Variants in SBF2 observed in about 807,000 individuals in gnomAD.
SBF2 encodes SET binding factor 2.
SBF2 carries 112 observed loss-of-function variants against 225.2 expected under a neutral mutation model. That is an observed-to-expected ratio of 0.50 (90% CI 0.43 to 0.58). The LOEUF (loss-of-function observed/expected upper bound fraction) is 0.58, where lower values mean the gene tolerates loss of function less well. Ranked by LOEUF, SBF2 falls within the 20% of genes least tolerant of loss-of-function variation. SBF2 has a pLI of 0.00. For missense variants in SBF2, 1,996 were observed against 2,206.2 expected (o/e 0.90, Z 1.91); for synonymous variants, 763 against 773.3 (o/e 0.99, Z 0.22).
chr11:10,091,890 T>C (rs1951799667), intron 2 of SBF2, among the ~76,000 whole-genome samples: 1 of 152,190 alleles, frequency 6.6e-6, no homozygotes, highest in Non-Finnish European at 1.5e-5. Flanking sequence ...CTAGGAGTTT[T>C]TGAGTTTTGC....
chr11:10,034,907 T>C (rs756793119), intron 3 of SBF2, among the ~76,000 whole-genome samples: 1 of 152,186 alleles, frequency 6.6e-6, no homozygotes, highest in Non-Finnish European at 1.5e-5. Context: ...CAAGTTGACA[T>C]GTCTACATGA....
At chr11:10,192,978 C>G (rs962940220) in intron 2 of SBF2, among the ~76,000 whole-genome samples, 1 of 152,164 alleles carries the variant, frequency 6.6e-6, no homozygotes, top group Non-Finnish European at 1.5e-5. Flanking sequence ...GGATCCACCA[C>G]CAGATAGAAT....
intron 1 of SBF2, among the ~76,000 whole-genome samples, chr11:10,273,839 A>AGGTCTACCTG (rs1473009073): frequency 1.3e-5 from 2 of 152,246 alleles, no homozygotes; most frequent in Non-Finnish European, 2.9e-5. Flanking sequence ...ACCTGACAGG[A>AGGTCTACCTG]ATAGGTTGTC....
chr11:10,261,758 T>C (rs960741226), intron 1 of SBF2, among the ~76,000 whole-genome samples: 3 of 152,236 alleles, frequency 2.0e-5, no homozygotes, highest in Non-Finnish European at 4.4e-5. Flanking sequence ...TGCAAACTTG[T>C]TGATTCACAT....
At chr11:10,241,958 C>T (rs1260322214) in intron 1 of SBF2, among the ~76,000 whole-genome samples, 1 of 151,792 alleles carries the variant, frequency 6.6e-6, no homozygotes, top group Non-Finnish European at 1.5e-5. Flanking sequence ...TGTCCACCTA[C>T]AGACCACACC....
chr11:10,078,668 T>C (rs1284586248), intron 2 of SBF2, among the ~76,000 whole-genome samples: 1 of 152,020 alleles, frequency 6.6e-6, no homozygotes, highest in Non-Finnish European at 1.5e-5. Flanking sequence ...TTAGGAGAAA[T>C]ACCTAATGTA....
chr11:9,976,196 C>G (rs1242935579), intron 13 of SBF2, among the ~76,000 whole-genome samples: 1 of 151,446 alleles, frequency 6.6e-6, no homozygotes, highest in African/African-American at 2.4e-5. Flanking sequence ...GCCTCAGCCT[C>G]CCGAGTAGCT....
chr11:10,019,645 A>C (rs138483604), intron 6 of SBF2, among the ~76,000 whole-genome samples: 292 of 152,196 alleles, frequency 1.9e-3, no homozygotes, highest in African/African-American at 6.9e-3. Context: ...AGCTTCCTTC[A>C]AGGTCAAACA....
chr11:9,927,703 G>A (rs1213272798), intron 16 of SBF2, among the ~76,000 whole-genome samples: 5 of 151,826 alleles, frequency 3.3e-5, no homozygotes, highest in South Asian at 4.2e-4. Context: ...TAAAAGATAC[G>A]GAAAAAAAAT....
At chr11:10,225,721 C>T (rs116461397) in intron 1 of SBF2, among the ~76,000 whole-genome samples, 3,286 of 152,170 alleles carry the variant, frequency 0.022, 89 homozygotes, top group African/African-American at 0.065. Flanking sequence ...GTGCAGTTTA[C>T]TTCTAACTAT....
At chr11:10,299,677 G>C (rs923356291) in intron 1 of SBF2, among the ~76,000 whole-genome samples, 1 of 151,872 alleles carries the variant, frequency 6.6e-6, no homozygotes, top group Non-Finnish European at 1.5e-5. Flanking sequence ...TGTCAGTGAA[G>C]CTGGTGAACT....
chr11:9,956,563 A>G (rs954926798), intron 16 of SBF2: 4 of 96,564 alleles, frequency 4.1e-5, no homozygotes, highest in Non-Finnish European at 7.8e-5. Flanking sequence ...GGGTTTCCTT[A>G]ACTCTTTTTT....
At chr11:9,961,780 C>CT in intron 16 of SBF2, 177 bp downstream of exon 16, 1 of 559,760 alleles carries the variant, frequency 1.8e-6, no homozygotes, top group South Asian at 2.7e-5. Flanking sequence ...AACAAAAACT[C>CT]TTAATATTTA....
chr11:10,232,531 G>T (rs1042078572), intron 1 of SBF2, among the ~76,000 whole-genome samples: 4 of 151,508 alleles, frequency 2.6e-5, no homozygotes, highest in Non-Finnish European at 4.4e-5. Flanking sequence ...AAGTAGTAGG[G>T]TTTCTTTTTT....
chr11:9,930,758 G>C (rs1228833268), intron 16 of SBF2, among the ~76,000 whole-genome samples: 1 of 152,218 alleles, frequency 6.6e-6, no homozygotes, highest in Non-Finnish European at 1.5e-5. Flanking sequence ...TGGACAGTGG[G>C]TGCAGCCCAC....
intron 17 of SBF2, among the ~76,000 whole-genome samples, chr11:9,890,708 G>T (rs1193553770): frequency 6.6e-6 from 1 of 152,152 alleles, no homozygotes; most frequent in Non-Finnish European, 1.5e-5. Context: ...CAACAGATGT[G>T]CCTCAAAGAA....
chr11:10,204,761 T>C (rs1957695038), intron 1 of SBF2, among the ~76,000 whole-genome samples: 1 of 151,896 alleles, frequency 6.6e-6, no homozygotes, highest in Non-Finnish European at 1.5e-5. Flanking sequence ...AGGCTACATA[T>C]TGTATGAGTC....
intron 17 of SBF2, among the ~76,000 whole-genome samples, chr11:9,860,368 TCCTCCCACCTCAG>T (rs1186772005): frequency 1.3e-5 from 2 of 150,242 alleles, no homozygotes; most frequent in African/African-American, 4.9e-5. Context: ...GCTCAAAAGA[TCCTCCCACCTCAG>T]CCTCCCTAGT....
At chr11:10,165,737 G>T (rs1955920752) in intron 2 of SBF2, among the ~76,000 whole-genome samples, 1 of 152,086 alleles carries the variant, frequency 6.6e-6, no homozygotes, top group South Asian at 2.1e-4. Context: ...CTAAGTTCTA[G>T]AAATTTTTAT....
Sources: gnomAD v4.1 joint callset for allele counts (sites outside exome capture counted in the v4.1 genomes callset) on GRCh38, gnomAD v4.1.1 for gene constraint, MANE v1.5 for transcripts, NCBI Gene and HGNC (gene_info 2026-07-23, HGNC 2026-07-21) for gene names.